Variants in ST3GAL5 observed in about 807,000 individuals in gnomAD.
ST3GAL5 encodes the protein lactosylceramide alpha-2,3-sialyltransferase.
A neutral mutation model predicts 46.1 loss-of-function variants in ST3GAL5; 25 were observed. That is an observed-to-expected ratio of 0.54 (90% CI 0.40 to 0.76). The LOEUF (loss-of-function observed/expected upper bound fraction) is 0.76. ST3GAL5 is among the 30% of genes least tolerant of loss of function. The probability of loss-of-function intolerance (pLI) is 0.00; values close to 1 mark genes in which losing one functional copy is unlikely to be tolerated. For missense variants in ST3GAL5, 431 were observed against 521.2 expected, an observed-to-expected ratio of 0.83 and a Z score of 1.69; for synonymous variants, 182 against 192.7, an observed-to-expected ratio of 0.94 and a Z score of 0.46.
At position 85,863,310 on chromosome 2, in the gene ST3GAL5, TAC is replaced by T. The variant is rs997452313; in HGVS notation, c.206+50_206+51del. On this transcript the variant is annotated intron_variant, in intron 2 of 6. Transcript: ENST00000638572. Reference sequence around the variant, plus strand: ...TCTCACTGAATTTTTCTCCTAGTTCTACACAGTTGACCCAAAGCAGGGGGATC... The same window carrying T: ...TCTCACTGAATTTTTCTCCTAGTTCTACAGTTGACCCAAAGCAGGGGGATC... 5 of 1,612,364 alleles carry T rather than the reference TAC, an allele frequency of 3.1e-6. No individual in the cohort carries two copies. In the African/African-American group the frequency reaches 5.3e-5, roughly 17 times the overall value.
At chr2:85,860,132 C>T (rs936250736) in intron 3 of ST3GAL5, among the ~76,000 whole-genome samples, 4 of 152,134 alleles carry the variant, frequency 2.6e-5, no homozygotes, top group Admixed American at 1.3e-4. Flanking sequence ...CACCTACATC[C>T]CCAGGAATGT....
chr2:85,870,791 C>T (rs993136081), intron 1 of ST3GAL5, among the ~76,000 whole-genome samples: 9 of 151,840 alleles, frequency 5.9e-5, no homozygotes, highest in Non-Finnish European at 1.3e-4. Context: ...ATTCTCTTGC[C>T]TAAACCTCCC....
intron 1 of ST3GAL5, among the ~76,000 whole-genome samples, chr2:85,882,056 G>T (rs1045668558): frequency 6.6e-6 from 1 of 152,232 alleles, no homozygotes; most frequent in African/African-American, 2.4e-5. Flanking sequence ...GGCTGAAAGG[G>T]GCCAATGTAC....
intron 3 of ST3GAL5, among the ~76,000 whole-genome samples, chr2:85,859,216 A>G (rs1178368837): frequency 1.3e-5 from 2 of 152,334 alleles, no homozygotes; most frequent in East Asian, 3.9e-4. Context: ...CAATCACTTT[A>G]CAGTTGGTCA....
Position 85,846,563 on chromosome 2 carries a change from C to T in ST3GAL5, c.663G>A (p.Arg221=). Residue 221 remains arginine, a splice_region_variant and synonymous_variant, in exon 5 of 7, where the codon AGG becomes AGA. Coordinates refer to ENST00000638572, the MANE Select transcript of ST3GAL5 (RefSeq NM_003896.4). ...ATCCCTCAACTGGTGCACTGTTTAA[C>T]CTATTTAAATAAAAAGGACAAAGAC... is the stretch of plus-strand genomic sequence containing the variant. ...HTLNQFDVVI[R]LNSAPVEGYS... The T allele has an allele frequency of 1.9e-6, 3 of 1,614,060 alleles. No homozygotes were observed. Among genetic ancestry groups the T allele is most frequent in the Non-Finnish European group, 1.7e-6 (2 of 1,180,018 alleles).
intron 3 of ST3GAL5, among the ~76,000 whole-genome samples, chr2:85,852,234 G>A (rs180976737): frequency 6.6e-6 from 1 of 152,348 alleles, no homozygotes; most frequent in Non-Finnish European, 1.5e-5. Flanking sequence ...TGGCATTAAT[G>A]AGATGTGGGA....
At chr2:85,887,539 A>G (rs1687886046) in intron 1 of ST3GAL5, 1 of 152,256 alleles carries the variant, frequency 6.6e-6, no homozygotes, top group African/African-American at 2.4e-5. Context: ...TGCTGGTTAT[A>G]TGCTCTCGCA....
chr2:85,851,528 C>T (rs914059316), intron 3 of ST3GAL5: 1 of 1,289,112 alleles, frequency 7.8e-7, no homozygotes, highest in African/African-American at 1.5e-5. Context: ...TCTGTTCTTG[C>T]TTCAATGGTG....
intron 5 of ST3GAL5, 172 bp from the exon 6 acceptor site, chr2:85,844,726 CAAA>C: frequency 1.2e-6 from 1 of 811,590 alleles, no homozygotes; most frequent in Admixed American, 2.2e-5. Flanking sequence ...CACTCCAACT[CAAA>C]AAAGTAACTC....
In ST3GAL5 at chr2:85,840,126, A is replaced by G; in HGVS notation, c.*18T>C. 1 of 1,614,210 alleles carries G rather than the reference A, an allele frequency of 6.2e-7. No individual in the cohort carries two copies. Among genetic ancestry groups the G allele is most frequent in the Non-Finnish European group, 8.5e-7 (1 of 1,180,034 alleles). ...CTCTCAGAGTTAGAGTTGCATTTTCAACTGAGGTTTTCTGTGTTCAAAATT... is the reference window on the plus strand; with the variant it reads ...CTCTCAGAGTTAGAGTTGCATTTTCGACTGAGGTTTTCTGTGTTCAAAATT... On this transcript the variant is annotated 3_prime_UTR_variant, in exon 7 of 7. Coordinates refer to ENST00000638572, the MANE Select transcript of ST3GAL5 (RefSeq NM_003896.4).
At chr2:85,846,220 T>A (rs1306865767) in intron 5 of ST3GAL5, 157 bp downstream of exon 5, 1 of 722,048 alleles carries the variant, frequency 1.4e-6, no homozygotes, top group African/African-American at 1.8e-5. Flanking sequence ...AAAGAATTGC[T>A]GAGGGGTTTC....
At chr2:85,874,785 G>C (rs1192296512) in intron 1 of ST3GAL5, among the ~76,000 whole-genome samples, 2 of 151,178 alleles carry the variant, frequency 1.3e-5, no homozygotes, top group Non-Finnish European at 2.9e-5. Context: ...AAGAATGAAT[G>C]ATCAGTGGCC....
intron 1 of ST3GAL5, chr2:85,868,176 T>TGGTGGGCAGGCA: frequency 6.5e-6 from 1 of 154,046 alleles, no homozygotes. Flanking sequence ...CACTCATTTC[T>TGGTGGGCAGGCA]TTTGTTTGCG....
intron 3 of ST3GAL5, chr2:85,854,920 T>A (rs1683930398): frequency 6.6e-6 from 1 of 152,154 alleles, no homozygotes; most frequent in Non-Finnish European, 1.5e-5. Flanking sequence ...GAGCTGAGAC[T>A]TGACTTAAAA....
chr2:85,863,312 C>T (rs1019254281), intron 2 of ST3GAL5, 50 bp downstream of exon 2: 12 of 1,612,516 alleles, frequency 7.4e-6, no homozygotes, highest in Middle Eastern at 2.0e-4. Flanking sequence ...CCTAGTTCTA[C>T]ACAGTTGACC....
chr2:85,888,876 C>A lies in ST3GAL5; in HGVS notation c.30G>T (p.Glu10Asp). The A allele has an allele frequency of 7.3e-7, 1 of 1,370,184 alleles. No homozygotes were observed. The highest frequency in any genetic ancestry group is 9.5e-7 in the Non-Finnish European group (1 of 1,054,470). 84.9% of individuals were successfully genotyped at this position (1,370,184 alleles called of 1,614,324 possible). Residue 10 changes from glutamate (E) to aspartate (D), a missense_variant, in exon 1 of 7, where the codon GAG becomes GAT. Coordinates refer to ENST00000638572, the MANE Select transcript of ST3GAL5 (RefSeq NM_003896.4). ...CGGTCCGCGGCTGCAGGGGACGCCGCTCCGCGCAGCCCGCCGCCTTCGTCC... is the reference window on the plus strand; with the variant it reads ...CGGTCCGCGGCTGCAGGGGACGCCGATCCGCGCAGCCCGCCGCCTTCGTCC... Reference protein sequence around the residue: MRTKAAGCAERRPLQPRTEA... With the variant: MRTKAAGCADRRPLQPRTEA...
In ST3GAL5 at chr2:85,848,080, G is replaced by A. The variant is rs745590126; in HGVS notation, c.443C>T (p.Ala148Val). 2 of 1,614,154 alleles carry A rather than the reference G, an allele frequency of 1.2e-6. No individual in the cohort carries two copies. Among genetic ancestry groups the A allele is most frequent in the Non-Finnish European group, 8.5e-7 (1 of 1,180,042 alleles). Reference sequence around the variant, plus strand: ...GGACTCAGCTTCACTGTCTTTGGGGGCCTTCTGCACAAAAGGGAGTAAGTC... The same window carrying A: ...GGACTCAGCTTCACTGTCTTTGGGGACCTTCTGCACAAAAGGGAGTAAGTC... ...SVDLLPFVQK[A>V]PKDSEAESKY... Residue 148 changes from alanine (A) to valine (V), a missense_variant, in exon 4 of 7, where the codon GCC becomes GTC. Transcript: ENST00000638572.
chr2:85,881,556 T>C (rs1687153980), intron 1 of ST3GAL5, among the ~76,000 whole-genome samples: 1 of 152,194 alleles, frequency 6.6e-6, no homozygotes, highest in Admixed American at 6.5e-5. Flanking sequence ...TGTTGGGAAC[T>C]GAAGCAAAGG....
chr2:85,874,495 T>A (rs1208223446), intron 1 of ST3GAL5, among the ~76,000 whole-genome samples: 13 of 152,134 alleles, frequency 8.5e-5, no homozygotes, highest in Non-Finnish European at 1.0e-4. Context: ...CCTCTCTGGA[T>A]GGCTCCCTCC....
Sources: allele counts gnomAD v4.1 joint callset (sites outside exome capture counted in the v4.1 genomes callset), GRCh38; gene constraint gnomAD v4.1.1; transcripts MANE v1.5; gene names NCBI Gene and HGNC (gene_info 2026-07-23, HGNC 2026-07-21).